TMEM192: variants seen among roughly 807,000 people sequenced by gnomAD.
TMEM192 encodes the protein transmembrane protein 192.
In TMEM192, 20 loss-of-function variants were observed where a neutral mutation model predicts 26.7. The ratio of observed to expected loss-of-function variants is 0.75; its 90% CI spans 0.53 to 1.09. TMEM192 has a LOEUF of 1.09. Ranked by LOEUF, TMEM192 falls within the 50% of genes least tolerant of loss-of-function variation. The pLI is 0.00. For synonymous variants in TMEM192, 124 were observed against 121.0 expected, an observed-to-expected ratio of 1.02 and a Z score of -0.16; for missense variants, 304 against 322.6, an observed-to-expected ratio of 0.94 and a Z score of 0.44.
intron 5 of TMEM192, among the ~76,000 whole-genome samples, chr4:165,084,144 TA>T (rs1361169661): frequency 6.6e-6 from 1 of 151,950 alleles, no homozygotes; most frequent in African/African-American, 2.4e-5. Flanking sequence ...TTTCTTTTTT[TA>T]ACTAGTACAT....
chr4:165,085,657 T>C lies in TMEM192; in HGVS notation c.606A>G (p.Pro202=). ...VKIRRFNKAK[P]EPDILEEEKI... is the part of the protein sequence containing the mutation. ...TTTCTTCTTCAAGTATATCAGGCTC[T>C]GGTTTAGCTTTATTAAATCTCCGGA... The change falls in exon 5 of 6, where the codon CCA becomes CCG. Residue 202 remains proline (P), a synonymous_variant. Transcript: ENST00000306480. 1 of 1,610,914 alleles carries C rather than the reference T, an allele frequency of 6.2e-7. No homozygotes were observed. Among genetic ancestry groups the C allele is most frequent in the Non-Finnish European group, 8.5e-7 (1 of 1,178,984 alleles).
At chr4:165,083,072 G>A (rs1172263553) in intron 5 of TMEM192, among the ~76,000 whole-genome samples, 1 of 39,836 alleles carries the variant, frequency 2.5e-5, no homozygotes, top group African/African-American at 4.5e-5. Context: ...AACCCCATGA[G>A]GTGAAGGGAA....
chr4:165,087,376 G>C (rs935137552), intron 4 of TMEM192, among the ~76,000 whole-genome samples: 1 of 152,142 alleles, frequency 6.6e-6, no homozygotes, highest in Non-Finnish European at 1.5e-5. Flanking sequence ...AGACAGAGCT[G>C]AAAGACAGGT....
At position 165,099,968 on chromosome 4, in the gene TMEM192, T is replaced by A. The variant is rs183795422; in HGVS notation, c.439+660A>T. Among the ~76,000 whole-genome samples the A allele has an allele frequency of 4.0e-3, 613 of 151,960 alleles. 4 individuals carry two copies. Among genetic ancestry groups the A allele is most frequent in the South Asian group, 0.012 (60 of 4,808 alleles). On this transcript the variant is annotated intron_variant, in intron 3 of 5. Coordinates refer to ENST00000306480, the MANE Select transcript of TMEM192 (RefSeq NM_001100389.2). Reference sequence around the variant, plus strand: ...CTGCCTCAGAGAAAATAAAATAAAATTTAAAAATTCCCTCTCCCTATCCTC... The same window carrying A: ...CTGCCTCAGAGAAAATAAAATAAAAATTAAAAATTCCCTCTCCCTATCCTC...
At chr4:165,109,085 C>A (rs933655634) in intron 1 of TMEM192, among the ~76,000 whole-genome samples, 1 of 152,186 alleles carries the variant, frequency 6.6e-6, no homozygotes, top group Admixed American at 6.6e-5. Context: ...AATGGTATAT[C>A]TATTCCCAGT....
intron 3 of TMEM192, among the ~76,000 whole-genome samples, chr4:165,096,879 T>C (rs1017306394): frequency 6.6e-6 from 1 of 152,200 alleles, no homozygotes; most frequent in African/African-American, 2.4e-5. Context: ...AAATACTATT[T>C]CCAGACCATC....
At chr4:165,103,246 AATT>A (rs1482556380) in intron 1 of TMEM192, 150 bp from the exon 2 acceptor site, 3 of 440,876 alleles carry the variant, frequency 6.8e-6, no homozygotes, top group Non-Finnish European at 1.1e-5. Context: ...TTTAAAAATT[AATT>A]ATTAATTTAA....
rs1560924441 is a variant in TMEM192 at position 165,079,624 on chromosome 4, T to C, written c.*34A>G. 6.3e-7 allele frequency: 1 copy of C among 1,588,206 alleles called. No homozygotes were observed. The highest frequency in any genetic ancestry group is 1.4e-5 in the African/African-American group (1 of 73,894). ...GTCAGTCAGTCTCAATTACTCTGGG[T>C]TCCTCTGCAATTGCTGTCATGACCG... On this transcript the variant is annotated 3_prime_UTR_variant, in exon 6 of 6. Transcript: ENST00000306480.
rs1363712493 is a variant in TMEM192, at chr4:165,078,030, C to T, written c.*1628G>A. ...CCTCCTGCCTCAGCCTCCCAAAGTA[C>T]TAAGATTACAGGCATGAGCAACTGC... On this transcript the variant is annotated 3_prime_UTR_variant, in exon 6 of 6. Coordinates refer to ENST00000306480, the MANE Select transcript of TMEM192 (RefSeq NM_001100389.2). 1 of 151,184 alleles carries T rather than the reference C, an allele frequency of 6.6e-6. No homozygotes were observed. The highest frequency in any genetic ancestry group is 2.1e-4 in the South Asian group (1 of 4,782). 9.4% of individuals were successfully genotyped at this position (151,184 alleles called of 1,614,324 possible).
In TMEM192 at chr4:165,079,668, C is replaced by T. The variant is rs758606457; in HGVS notation, c.806G>A (p.Ser269Asn). The T allele has an allele frequency of 4.3e-6, 7 of 1,610,562 alleles. No individual in the cohort carries two copies. In the African/African-American group the frequency reaches 8.0e-5, roughly 18 times the overall value. Residue 269 changes from serine to asparagine, a missense_variant, in exon 6 of 6, where the codon AGT (serine) becomes AAT (asparagine). Transcript: ENST00000306480. ...ATGACCGTGAGCCTCTCACGTTCTA[C>T]TTGGCTGACAGCCCAGGTCTGAGGA... The part of the protein sequence containing the change: ...LTSSDLGCQP[S>N]RT
chr4:165,100,785 C>T lies in TMEM192; in HGVS notation c.282G>A (p.Thr94=), dbSNP rs531341406. The T allele has an allele frequency of 1.7e-5, 28 of 1,614,012 alleles. No individual in the cohort carries two copies. Among genetic ancestry groups the T allele is most frequent in the African/African-American group, 4.0e-5 (3 of 75,004 alleles). ...GNYTNPLKVQ[T]VIILGKVILW... ...AAATAACTTTCCCAAGGATTATAAC[C>T]GTCTGAACTTTCAATGGGTTTGTGT... Residue 94 remains threonine (T), a synonymous_variant, in exon 3 of 6, where the codon ACG becomes ACA. Coordinates refer to ENST00000306480, the MANE Select transcript of TMEM192 (RefSeq NM_001100389.2).
chr4:165,089,608 C>A (rs949835158), intron 3 of TMEM192, among the ~76,000 whole-genome samples: 2 of 152,152 alleles, frequency 1.3e-5, no homozygotes, highest in African/African-American at 4.8e-5. Flanking sequence ...CAGGCGTGAG[C>A]CATTGCACCC....
intron 1 of TMEM192, among the ~76,000 whole-genome samples, chr4:165,110,355 C>A (rs146254394): frequency 6.6e-6 from 1 of 152,354 alleles, no homozygotes; most frequent in East Asian, 1.9e-4. Flanking sequence ...CCTTCCTCCT[C>A]CTCTGCTCTA....
At position 165,071,561 on chromosome 4, in the gene TMEM192, G is replaced by A. The variant is rs532642854; in HGVS notation, c.*8097C>T. 1 of 152,502 alleles carries A rather than the reference G, an allele frequency of 6.6e-6. No homozygotes were observed. The highest frequency in any genetic ancestry group is 1.9e-4 in the East Asian group (1 of 5,178). The allele number at this position is 152,502 out of a possible 1,614,324, so 9.4% of individuals were successfully genotyped here. ...ACCCACCTCAGCCTCCCAAAGTGCT[G>A]GGATTACAGGGGTTAGCCACCACAC... On this transcript the variant is annotated 3_prime_UTR_variant, in exon 6 of 6. Coordinates refer to ENST00000306480, the MANE Select transcript of TMEM192 (RefSeq NM_001100389.2).
intron 1 of TMEM192, among the ~76,000 whole-genome samples, chr4:165,105,400 C>T (rs1461877257): frequency 3.3e-5 from 5 of 152,184 alleles, no homozygotes; most frequent in Admixed American, 3.3e-4. Flanking sequence ...TAAGGTCAGG[C>T]TCCTAAGGGC....
At chr4:165,102,690 T>C (rs541640988) in intron 2 of TMEM192, among the ~76,000 whole-genome samples, 1 of 152,222 alleles carries the variant, frequency 6.6e-6, no homozygotes, top group South Asian at 2.1e-4. Flanking sequence ...TCTCTTGATA[T>C]GACAGACAAC....
intron 5 of TMEM192, among the ~76,000 whole-genome samples, chr4:165,080,506 C>A (rs1430667131): frequency 6.6e-6 from 1 of 151,868 alleles, no homozygotes; most frequent in Non-Finnish European, 1.5e-5. Flanking sequence ...ATTGCCTATT[C>A]AAGAAATAAA....
intron 5 of TMEM192, among the ~76,000 whole-genome samples, chr4:165,084,457 C>T (rs184420399): frequency 4.9e-4 from 74 of 151,906 alleles, no homozygotes; most frequent in Middle Eastern, 3.4e-3. Context: ...CCTCGGCCTC[C>T]GAAAGTGCTG....
intron 3 of TMEM192, among the ~76,000 whole-genome samples, chr4:165,098,801 G>A (rs1041861940): frequency 6.6e-6 from 1 of 151,308 alleles, no homozygotes; most frequent in Non-Finnish European, 1.5e-5. Flanking sequence ...AGGTTCAAGC[G>A]ATTCTCCTGC....
Sources: allele counts gnomAD v4.1 joint callset (sites outside exome capture counted in the v4.1 genomes callset), GRCh38; gene constraint gnomAD v4.1.1; transcripts MANE v1.5; gene names NCBI Gene and HGNC (gene_info 2026-07-23, HGNC 2026-07-21).